TPCN1: variants seen among roughly 807,000 people sequenced by gnomAD.
TPCN1 encodes two pore channel protein 1.
A neutral mutation model predicts 108.8 loss-of-function variants in TPCN1; 52 were observed. That is an observed-to-expected ratio of 0.48 (90% CI 0.38 to 0.60). The LOEUF (loss-of-function observed/expected upper bound fraction) is 0.60, where lower values mean the gene tolerates loss of function less well. Ranked by LOEUF, TPCN1 falls within the 20% of genes least tolerant of loss-of-function variation. The pLI is 0.00. For missense variants in TPCN1, 806 were observed against 1,072.8 expected (o/e 0.75, Z 3.47); for synonymous variants, 446 against 433.7 (o/e 1.03, Z -0.35).
chr12:113,259,803 G>A (rs1954956378), intron 2 of TPCN1, among the ~76,000 whole-genome samples: 1 of 152,218 alleles, frequency 6.6e-6, no homozygotes, highest in Non-Finnish European at 1.5e-5. Flanking sequence ...AAACAATGTG[G>A]ACAGAGAGCA....
chr12:113,284,567 C>T lies in TPCN1; in HGVS notation c.1343-14C>T. 1.2e-6 allele frequency: 2 copies of T among 1,614,020 alleles called. No individual in the cohort carries two copies. The highest frequency in any genetic ancestry group is 1.7e-6 in the Non-Finnish European group (2 of 1,179,988). ...CTGTTATTTCTCTGTCTTTTACGGG[C>T]CTGTGTATTTCAGACTTGGTGGTGG... is the stretch of plus-strand genomic sequence containing the variant. On this transcript the variant is annotated splice_polypyrimidine_tract_variant and intron_variant, in intron 15 of 27. Transcript: ENST00000335509. This position sits in a 1 kb window ranked among gnomAD's most constrained non-coding sequence, Gnocchi z 4.1.
At chr12:113,252,632 G>A (rs1447802619) in intron 2 of TPCN1, among the ~76,000 whole-genome samples, 2 of 152,242 alleles carry the variant, frequency 1.3e-5, no homozygotes, top group East Asian at 3.9e-4. Flanking sequence ...GGACTCTTCT[G>A]TGTTGCCGGT....
At chr12:113,246,562 T>C (rs959370743) in intron 2 of TPCN1, among the ~76,000 whole-genome samples, 1 of 152,066 alleles carries the variant, frequency 6.6e-6, no homozygotes, top group African/African-American at 2.4e-5. Flanking sequence ...GCTGCTCATC[T>C]CCCTCCCTCC....
At chr12:113,276,851 A>AC (rs1955688607) in intron 10 of TPCN1, 68 bp from the exon 11 acceptor site, 3 of 1,054,860 alleles carry the variant, frequency 2.8e-6, no homozygotes, top group African/African-American at 1.6e-5. Flanking sequence ...ATGAACTCAT[A>AC]CCCCCCTGCA....
intron 1 of TPCN1, among the ~76,000 whole-genome samples, chr12:113,224,686 G>A (rs1275042657): frequency 1.3e-5 from 2 of 151,970 alleles, no homozygotes; most frequent in South Asian, 2.1e-4. Flanking sequence ...ATGAGCCACC[G>A]CGCCTGGCCG....
chr12:113,240,747 C>CT lies in TPCN1; in HGVS notation c.112+13801dup, dbSNP rs112630841. Among the ~76,000 whole-genome samples the CT allele has an allele frequency of 4.7e-3, 633 of 133,768 alleles. 3 individuals carry two copies. The highest frequency in any genetic ancestry group is 0.019 in the South Asian group (81 of 4,212). 87.8% of individuals were successfully genotyped at this position (133,768 alleles called of 152,430 possible). A position where few individuals can be genotyped will look rare whatever the true frequency, so the allele number is the denominator to read the frequency against. On this transcript the variant is annotated intron_variant, in intron 2 of 27. Coordinates refer to ENST00000335509, the MANE Select transcript of TPCN1 (RefSeq NM_017901.6). ...CAAGCAGCTCCATCTCCTGCCCATT[C>CT]TTTTTTTTTTTTTTTTTTGGAGACA...
chr12:113,230,283 CTTTTTTTTTT>C (rs71086152), intron 2 of TPCN1, among the ~76,000 whole-genome samples: 1 of 108,942 alleles, frequency 9.2e-6, no homozygotes, highest in African/African-American at 3.4e-5. Flanking sequence ...ATCCATTCAT[CTTTTTTTTTT>C]TTTTTTTTTT....
At chr12:113,238,189 C>T (rs1329942978) in intron 2 of TPCN1, among the ~76,000 whole-genome samples, 1 of 152,210 alleles carries the variant, frequency 6.6e-6, no homozygotes, top group Non-Finnish European at 1.5e-5. Context: ...GAGGAATTGG[C>T]ATCTTGGAAT....
chr12:113,285,839 T>C (rs201541714), intron 17 of TPCN1, 50 bp from the exon 18 acceptor site: 134 of 1,495,950 alleles, frequency 9.0e-5, no homozygotes, highest in Middle Eastern at 1.7e-4. Flanking sequence ...AGACCGAGCA[T>C]GGGGGAGGAT....
chr12:113,291,577 C>A, intron 23 of TPCN1, 32 bp from the exon 24 acceptor site: 1 of 1,601,032 alleles, frequency 6.2e-7, no homozygotes, highest in Non-Finnish European at 8.5e-7. Flanking sequence ...TGCATGGGCA[C>A]CCCCTCACTG....
At position 113,290,163 on chromosome 12, in the gene TPCN1, A is replaced by G. The variant is rs993929421; in HGVS notation, c.1832A>G (p.Asn611Ser). 1.2e-6 allele frequency: 2 copies of G among 1,605,490 alleles called. No individual in the cohort carries two copies. The highest frequency in any genetic ancestry group is 8.5e-7 in the Non-Finnish European group (1 of 1,175,918). ...GTGGCAGATGCCTACCGCTGGCGCAACCACACCGTGGGCAACAGGACCGTG... is the reference window on the plus strand; with the variant it reads ...GTGGCAGATGCCTACCGCTGGCGCAGCCACACCGTGGGCAACAGGACCGTG... Reference protein sequence around the residue: ...STVADAYRWRNHTVGNRTVVE... With the variant: ...STVADAYRWRSHTVGNRTVVE... Residue 611 changes from asparagine to serine, a missense_variant, in exon 22 of 28, where the codon AAC (asparagine) becomes AGC (serine). Physicochemically the swap from Asn to Ser is conservative, Grantham distance 46 (BLOSUM62 1). Transcript: ENST00000335509.
In TPCN1 at chr12:113,284,765, C is replaced by T; in HGVS notation, c.1447C>T (p.Leu483=). ...CGTGCCCTGGAGTTACCTCGTCTTT[C>T]TAACTAGTACGTTTCCGACATGGCT... ...KHVPWSYLVF[L]TIYGVELFLK... The change falls in exon 17 of 28, where the codon CTA becomes TTA. Residue 483 remains leucine, a synonymous_variant. Transcript: ENST00000335509. The surrounding 1 kb of genome is among the most constrained non-coding windows in gnomAD (Gnocchi z 4.1). 6.2e-7 allele frequency: 1 copy of T among 1,614,248 alleles called. No homozygotes were observed. The highest frequency in any genetic ancestry group is 2.2e-5 in the East Asian group (1 of 44,894).
At position 113,266,053 on chromosome 12, in the gene TPCN1, C is replaced by T; in HGVS notation, c.238-127C>T. ...GAAGATCATTTTGATTTTCCAGCAT[C>T]TTCTGTCTCTGGCCTGAATCTCTCC... is the stretch of plus-strand genomic sequence containing the variant. On this transcript the variant is annotated intron_variant, in intron 3 of 27. Coordinates refer to ENST00000335509, the MANE Select transcript of TPCN1 (RefSeq NM_017901.6). This position sits in a 1 kb window ranked among gnomAD's most constrained non-coding sequence, Gnocchi z 4.2. The T allele has an allele frequency of 9.8e-7, 1 of 1,018,000 alleles. No individual in the cohort carries two copies. The highest frequency in any genetic ancestry group is 1.6e-5 in the African/African-American group (1 of 62,094). The allele number at this position is 1,018,000 out of a possible 1,614,324, so 63.1% of individuals were successfully genotyped here. A position where few individuals can be genotyped will look rare whatever the true frequency, so the allele number is the denominator to read the frequency against.
chr12:113,245,336 G>A lies in TPCN1; in HGVS notation c.113-15032G>A, dbSNP rs573290847. Among the ~76,000 whole-genome samples the A allele has an allele frequency of 3.1e-4, 37 of 121,184 alleles. 1 individual carries two copies. In the South Asian group the frequency reaches 9.1e-3, roughly 30 times the overall value. The allele number at this position is 121,184 out of a possible 152,430, so 79.5% of individuals were successfully genotyped here. On this transcript the variant is annotated intron_variant, in intron 2 of 27. Transcript: ENST00000335509. The stretch of plus-strand genomic sequence containing the variant: ...AAGGGGGCTGGGCGCGGTGGCTCAC[G>A]CCTGTAATCCCAGCACTTTGGGAGG...
chr12:113,242,427 C>T (rs964059821), intron 2 of TPCN1, among the ~76,000 whole-genome samples: 1 of 152,232 alleles, frequency 6.6e-6, no homozygotes, highest in African/African-American at 2.4e-5. Context: ...CGTTTCCTCC[C>T]TCTGTGACCT....
chr12:113,281,477 T>G (rs534297996), intron 15 of TPCN1, among the ~76,000 whole-genome samples: 3 of 152,348 alleles, frequency 2.0e-5, no homozygotes, highest in African/African-American at 7.2e-5. Context: ...GGATAACAAT[T>G]GCAAAGCAAT....
intron 2 of TPCN1, among the ~76,000 whole-genome samples, chr12:113,246,420 G>A (rs1440935048): frequency 2.6e-5 from 4 of 152,252 alleles, no homozygotes; most frequent in Non-Finnish European, 5.9e-5. Flanking sequence ...GAACAGAGAT[G>A]CAGAATACAG....
chr12:113,229,643 T>A, intron 2 of TPCN1, among the ~76,000 whole-genome samples: 1 of 152,106 alleles, frequency 6.6e-6, no homozygotes, highest in African/African-American at 2.4e-5. Flanking sequence ...CGTGAGCCAC[T>A]ACACCCAGCT....
intron 2 of TPCN1, among the ~76,000 whole-genome samples, chr12:113,252,199 C>T (rs1190160154): frequency 6.6e-6 from 1 of 152,124 alleles, no homozygotes; most frequent in Non-Finnish European, 1.5e-5. Context: ...TCACCCAAAC[C>T]AGGACACCTA....
Sources: allele counts gnomAD v4.1 joint callset (sites outside exome capture counted in the v4.1 genomes callset), GRCh38; gene constraint gnomAD v4.1.1; non-coding constraint Gnocchi (gnomAD v3.1); transcripts MANE v1.5; gene names NCBI Gene and HGNC (gene_info 2026-07-23, HGNC 2026-07-21).